Variants in SACS observed in about 807,000 individuals in gnomAD.
SACS encodes sacsin molecular chaperone.
Under a neutral mutation model 348.0 loss-of-function variants are expected in SACS, and 197 were observed. The ratio of observed to expected loss-of-function variants is 0.57; its 90% CI spans 0.50 to 0.64. SACS has a LOEUF of 0.64. Among genes scored for constraint, SACS ranks in the 30% least tolerant of loss-of-function variants. The probability of loss-of-function intolerance (pLI) is 0.00; values close to 1 mark genes in which losing one functional copy is unlikely to be tolerated. For synonymous variants in SACS, 1,985 were observed against 1,910.6 expected (o/e 1.04, Z -1.02); for missense variants, 4,999 against 5,360.8 (o/e 0.93, Z 2.11).
At position 23,340,316 on chromosome 13, in the gene SACS, C is replaced by T; in HGVS notation, c.3560G>A (p.Cys1187Tyr). 6.2e-7 allele frequency: 1 copy of T among 1,613,998 alleles called. No individual in the cohort carries two copies. Among genetic ancestry groups the T allele is most frequent in the Non-Finnish European group, 8.5e-7 (1 of 1,179,946 alleles). ...LCNLCAPPDM[C>Y]DVGHAILIGS... is the part of the protein sequence containing the mutation. ...AATGAGAATTGCATGGCCTACATCA[C>T]ACATATCTGGTGGTGCACAGAGATT... Residue 1187 changes from cysteine (C) to tyrosine (Y), a missense_variant, in exon 10 of 10, where the codon TGT (cysteine) becomes TAT (tyrosine). By Grantham distance (194) the Cys-to-Tyr change is radical. Transcript: ENST00000382292.
intron 2 of SACS, among the ~76,000 whole-genome samples, chr13:23,380,273 G>A (rs927833309): frequency 1.3e-5 from 2 of 152,060 alleles, no homozygotes; most frequent in South Asian, 2.1e-4. Flanking sequence ...CATTCTCACC[G>A]GCCTTGGTAG....
chr13:23,335,715 T>C lies in SACS; in HGVS notation c.8161A>G (p.Arg2721Gly), dbSNP rs1868522362. 1 of 1,614,078 alleles carries C rather than the reference T, an allele frequency of 6.2e-7. No individual in the cohort carries two copies. Among genetic ancestry groups the C allele is most frequent in the Non-Finnish European group, 8.5e-7 (1 of 1,179,908 alleles). The change falls in exon 10 of 10, where the codon AGA becomes GGA. Residue 2721 changes from arginine to glycine, a missense_variant. By Grantham distance (125) the Arg-to-Gly change is moderately radical. Transcript: ENST00000382292. The surrounding 1 kb of genome is among the most constrained non-coding windows in gnomAD (Gnocchi z 4.7). ...TTGTCCAAAAGATTCTGGACCATTC[T>C]GTCTGATGCTGGAACAGACGAAATT... is the stretch of plus-strand genomic sequence containing the variant. ...SEISSVPASDRMVQNLLDKLR... is the reference protein window; with the variant it reads ...SEISSVPASDGMVQNLLDKLR...
In SACS at chr13:23,339,376, T is replaced by C; in HGVS notation, c.4500A>G (p.Arg1500=). Residue 1500 remains arginine (R), a synonymous_variant, in exon 10 of 10, where the codon AGA becomes AGG. Transcript: ENST00000382292. Reference sequence around the variant, plus strand: ...GATTCTCTCTTATGTCCATATTTCTTCTCATATCAATCAAGAAACTGCATT... The same window carrying C: ...GATTCTCTCTTATGTCCATATTTCTCCTCATATCAATCAAGAAACTGCATT... ...ATECSFLIDM[R]RNMDIRENLL... is the part of the protein sequence containing the mutation. 1 of 1,613,132 alleles carries C rather than the reference T, an allele frequency of 6.2e-7. No individual in the cohort carries two copies. The highest frequency in any genetic ancestry group is 8.5e-7 in the Non-Finnish European group (1 of 1,179,700).
Position 23,339,033 on chromosome 13 carries a change from G to A in SACS, c.4843C>T (p.Pro1615Ser). The part of the protein sequence containing the change: ...SKQQKRLRKF[P>S]NQFKPFIDVF... Reference sequence around the variant, plus strand: ...TCTATAAATGGTTTGAACTGATTAGGAAATTTTCTAAGTCTTTTCTGTTGT... The same window carrying A: ...TCTATAAATGGTTTGAACTGATTAGAAAATTTTCTAAGTCTTTTCTGTTGT... The change falls in exon 10 of 10, where the codon CCT becomes TCT. Residue 1615 changes from proline (P) to serine (S), a missense_variant. Coordinates refer to ENST00000382292, the MANE Select transcript of SACS (RefSeq NM_014363.6). 1 of 1,613,560 alleles carries A rather than the reference G, an allele frequency of 6.2e-7. No homozygotes were observed. The highest frequency in any genetic ancestry group is 8.5e-7 in the Non-Finnish European group (1 of 1,179,888).
chr13:23,368,698 T>C (rs1172405920), intron 4 of SACS, among the ~76,000 whole-genome samples: 2 of 152,116 alleles, frequency 1.3e-5, no homozygotes, highest in African/African-American at 4.8e-5. Context: ...TTGTTTTGTT[T>C]TGTTTTGTTT....
intron 2 of SACS, among the ~76,000 whole-genome samples, chr13:23,387,582 C>T (rs899222126): frequency 8.5e-5 from 13 of 152,136 alleles, no homozygotes; most frequent in Admixed American, 7.2e-4. Flanking sequence ...AGCTGGTCCC[C>T]TGGTCACCCT....
chr13:23,375,840 C>G (rs1355264162), intron 2 of SACS, among the ~76,000 whole-genome samples: 1 of 152,120 alleles, frequency 6.6e-6, no homozygotes, highest in Non-Finnish European at 1.5e-5. Context: ...GTATACAGAG[C>G]GTACAGCTAG....
Position 23,337,569 on chromosome 13 carries a change from C to G in SACS, c.6307G>C (p.Glu2103Gln), listed in dbSNP as rs1402151767. 6.2e-7 allele frequency: 1 copy of G among 1,613,880 alleles called. No homozygotes were observed. The highest frequency in any genetic ancestry group is 1.7e-5 in the Admixed American group (1 of 60,000). The stretch of plus-strand genomic sequence containing the variant: ...GATGGCAAAACCAAAGGATGCCCCT[C>G]CAAGGAACAAGGAATACATGGAGTA... ...RVTPCIPCSL[E>Q]GHPLVLPSRL... Residue 2103 changes from glutamate to glutamine, a missense_variant, in exon 10 of 10, where the codon GAG (glutamate) becomes CAG (glutamine). Physicochemically the swap from Glu to Gln is conservative, Grantham distance 29. Coordinates refer to ENST00000382292, the MANE Select transcript of SACS (RefSeq NM_014363.6).
In SACS at chr13:23,354,942, A is replaced by C; in HGVS notation, c.1670T>G (p.Leu557Trp). The change falls in exon 8 of 10, where the codon TTG (leucine) becomes TGG (tryptophan). Residue 557 changes from leucine (L) to tryptophan (W), a missense_variant. Physicochemically the swap from Leu to Trp is moderately conservative, Grantham distance 61. Transcript: ENST00000382292. ...PVLEPLFSEL[L>W]QNAVIYSISC... ...AATTGAATAAATCACTGCATTCTGC[A>C]ACAGCTCGCTGAATAGAGGCTCTAA... is the stretch of plus-strand genomic sequence containing the variant. 6.2e-7 allele frequency: 1 copy of C among 1,614,256 alleles called. No individual in the cohort carries two copies. The highest frequency in any genetic ancestry group is 8.5e-7 in the Non-Finnish European group (1 of 1,180,048).
Position 23,337,463 on chromosome 13 carries a change from T to A in SACS, c.6413A>T (p.Asp2138Val), listed in dbSNP as rs745566810. ...AATCAAAATAATAGGATTGAGATAA[T>A]CCTGAGTAGAACCATAAGGGAATCT... ...DGRFPYGSTQ[D>V]YLNPIILIKL... The change falls in exon 10 of 10, where the codon GAT becomes GTT. Residue 2138 changes from aspartate to valine, a missense_variant. Transcript: ENST00000382292. 9.3e-6 allele frequency: 15 copies of A among 1,613,516 alleles called. No individual in the cohort carries two copies. The highest frequency in any genetic ancestry group is 1.3e-5 in the African/African-American group (1 of 74,886).
At chr13:23,356,820 A>T (rs1870419983) in intron 7 of SACS, among the ~76,000 whole-genome samples, 1 of 152,178 alleles carries the variant, frequency 6.6e-6, no homozygotes, top group East Asian at 1.9e-4. Context: ...CAGTGAAGTC[A>T]ATCTTTAATA....
chr13:23,337,988 A>G lies in SACS; in HGVS notation c.5888T>C (p.Phe1963Ser). ...TTTTCCATGAGCTATATCTTCATAAAATCCTTGGCAAATTACAGAAAAATC... is the reference window on the plus strand; with the variant it reads ...TTTTCCATGAGCTATATCTTCATAAGATCCTTGGCAAATTACAGAAAAATC... ...HDDFSVICQG[F>S]YEDIAHGKGK... The change falls in exon 10 of 10, where the codon TTT (phenylalanine) becomes TCT (serine). Residue 1963 changes from phenylalanine to serine, a missense_variant. This residue lies in a region of SACS where 3,156 missense variants were observed against 3,380.1 expected (regional missense o/e 0.93). Coordinates refer to ENST00000382292, the MANE Select transcript of SACS (RefSeq NM_014363.6). 1 of 1,613,950 alleles carries G rather than the reference A, an allele frequency of 6.2e-7. No individual in the cohort carries two copies. The highest frequency in any genetic ancestry group is 8.5e-7 in the Non-Finnish European group (1 of 1,179,938).
intron 2 of SACS, 137 bp from the exon 3 acceptor site, chr13:23,375,406 G>A (rs1871704240): frequency 8.1e-7 from 1 of 1,229,888 alleles, no homozygotes; most frequent in Non-Finnish European, 1.0e-6. Context: ...TGACGCCGGC[G>A]CCCGATCACG....
Position 23,332,098 on chromosome 13 carries a change from A to G in SACS, c.11778T>C (p.Asp3926=), listed in dbSNP as rs750575268. 1 of 1,614,066 alleles carries G rather than the reference A, an allele frequency of 6.2e-7. No homozygotes were observed. The highest frequency in any genetic ancestry group is 1.1e-5 in the South Asian group (1 of 91,074). ...GGATTCTACTTTTATAATGTGGCGCATCGTCAAACACTAAGATGCTTGACT... is the reference window on the plus strand; with the variant it reads ...GGATTCTACTTTTATAATGTGGCGCGTCGTCAAACACTAAGATGCTTGACT... ...LVKSSILVFD[D]APHYKSRIQG... Residue 3926 remains aspartate, a synonymous_variant, in exon 10 of 10, where the codon GAT becomes GAC. Transcript: ENST00000382292.
chr13:23,374,492 G>C (rs1255088838), intron 3 of SACS, among the ~76,000 whole-genome samples: 1 of 152,184 alleles, frequency 6.6e-6, no homozygotes, highest in Non-Finnish European at 1.5e-5. Context: ...TGTTTTAAAA[G>C]AGTTAACTGT....
At chr13:23,373,797 CAAAAAAAAAAA>C (rs35129279) in intron 3 of SACS, 1 of 121,156 alleles carries the variant, frequency 8.3e-6, no homozygotes, top group Non-Finnish European at 1.6e-5. Context: ...CTCCGTCTCA[CAAAAAAAAAAA>C]AAAAAAAGGA....
At position 23,329,513 on chromosome 13, in the gene SACS, T is replaced by G; in HGVS notation, c.*623A>C. ...TAAACATAAGATGTTAAAAAAAAAT[T>G]TAAATAAAGATGTAAAGTGCACTCA... On this transcript the variant is annotated 3_prime_UTR_variant, in exon 10 of 10. Coordinates refer to ENST00000382292, the MANE Select transcript of SACS (RefSeq NM_014363.6). 1 of 725,476 alleles carries G rather than the reference T, an allele frequency of 1.4e-6. No individual in the cohort carries two copies. The highest frequency in any genetic ancestry group is 2.5e-6 in the Non-Finnish European group (1 of 396,914). 44.9% of individuals were successfully genotyped at this position (725,476 alleles called of 1,614,324 possible).
Position 23,334,918 on chromosome 13 carries a change from G to C in SACS, c.8958C>G (p.His2986Gln). ...CAGGTAAAAGACGTTTCATGTCTTC[G>C]TGAATGCAATTGTAAAGTGCTTTCA... ...CLVKALYNCIHEDMKRLLPVV... is the reference protein window; with the variant it reads ...CLVKALYNCIQEDMKRLLPVV... Residue 2986 changes from histidine to glutamine, a missense_variant, in exon 10 of 10, where the codon CAC becomes CAG. Physicochemically the swap from His to Gln is conservative, Grantham distance 24 (BLOSUM62 0). Coordinates refer to ENST00000382292, the MANE Select transcript of SACS (RefSeq NM_014363.6). The C allele has an allele frequency of 6.2e-7, 1 of 1,613,762 alleles. No homozygotes were observed. The highest frequency in any genetic ancestry group is 1.1e-5 in the South Asian group (1 of 91,066).
At chr13:23,349,594 T>C (rs1342341467) in intron 9 of SACS, among the ~76,000 whole-genome samples, 1 of 152,218 alleles carries the variant, frequency 6.6e-6, no homozygotes, top group Non-Finnish European at 1.5e-5. Flanking sequence ...CCTGATCTGC[T>C]GCAATAACAC....
Sources: gnomAD v4.1 joint callset for allele counts (sites outside exome capture counted in the v4.1 genomes callset) on GRCh38, gnomAD v4.1.1 for gene constraint, gnomAD v4.1.1 regional missense constraint, Gnocchi (gnomAD v3.1) non-coding constraint, MANE v1.5 for transcripts, NCBI Gene and HGNC (gene_info 2026-07-23, HGNC 2026-07-21) for gene names.